Variants in DACH1 observed in about 807,000 individuals in gnomAD.
DACH1 encodes dachshund family transcription factor 1, also known as dachshund homolog 1.
DACH1 carries 12 observed loss-of-function variants against 54.2 expected under a neutral mutation model. That is an observed-to-expected ratio of 0.22 (90% CI 0.14 to 0.36). DACH1 has a LOEUF of 0.36. Ranked by LOEUF, DACH1 falls within the 10% of genes least tolerant of loss-of-function variation. The pLI, the probability that DACH1 is intolerant of heterozygous loss-of-function variation, is 1.00. For missense variants in DACH1, 805 were observed against 929.8 expected (o/e 0.87, Z 1.75); for synonymous variants, 386 against 366.2 (o/e 1.05, Z -0.62).
At chr13:71,632,416 AT>A (rs34080454) in intron 2 of DACH1, among the ~76,000 whole-genome samples, 8,045 of 124,648 alleles carry the variant, frequency 0.065, 328 homozygotes, top group African/African-American at 0.13. Flanking sequence ...AACCCCACCC[AT>A]TTTTTTTTTT....
intron 3 of DACH1, among the ~76,000 whole-genome samples, chr13:71,594,579 G>A (rs555274474): frequency 6.6e-6 from 1 of 152,212 alleles, no homozygotes; most frequent in African/African-American, 2.4e-5. Flanking sequence ...GTAAACATGA[G>A]CTGAAGTGAT....
chr13:71,538,169 C>A (rs1298815520), intron 6 of DACH1, among the ~76,000 whole-genome samples: 2 of 151,990 alleles, frequency 1.3e-5, no homozygotes, highest in African/African-American at 2.4e-5. Context: ...GATTATTTCT[C>A]AAGGCTAGAA....
chr13:71,577,663 C>T (rs1055155233), intron 3 of DACH1, among the ~76,000 whole-genome samples: 2 of 151,858 alleles, frequency 1.3e-5, no homozygotes, highest in African/African-American at 2.4e-5. Flanking sequence ...CATAAACATA[C>T]ACAAGAAAAT....
At chr13:71,751,214 T>C (rs962818664) in intron 1 of DACH1, among the ~76,000 whole-genome samples, 1 of 152,228 alleles carries the variant, frequency 6.6e-6, no homozygotes, top group Non-Finnish European at 1.5e-5. Context: ...TTGTTTCTGC[T>C]GCGTCAGTCA....
intron 1 of DACH1, among the ~76,000 whole-genome samples, chr13:71,720,842 A>T (rs2138802256): frequency 6.6e-6 from 1 of 152,268 alleles, no homozygotes; most frequent in South Asian, 2.1e-4. Context: ...ATTTTCTTGC[A>T]GTAGTTACTT....
chr13:71,534,942 A>C, intron 6 of DACH1, among the ~76,000 whole-genome samples: 1 of 151,780 alleles, frequency 6.6e-6, no homozygotes. Flanking sequence ...ATTTTAGAAG[A>C]ATGTAATTTT....
intron 1 of DACH1, among the ~76,000 whole-genome samples, chr13:71,791,064 C>T (rs79850319): frequency 0.027 from 4,075 of 152,182 alleles, 179 homozygotes; most frequent in African/African-American, 0.091. Context: ...GACATGACAA[C>T]GATTTTTAGA....
chr13:71,705,776 A>C, intron 1 of DACH1, among the ~76,000 whole-genome samples: 1 of 152,070 alleles, frequency 6.6e-6, no homozygotes, highest in East Asian at 1.9e-4. Context: ...AGAATCAAGT[A>C]AATCAAGTCT....
At chr13:71,512,009 T>C (rs564711872) in intron 6 of DACH1, among the ~76,000 whole-genome samples, 1 of 152,114 alleles carries the variant, frequency 6.6e-6, no homozygotes, top group Non-Finnish European at 1.5e-5. Flanking sequence ...GTCCATTCTA[T>C]ACCAGAAAGT....
intron 1 of DACH1, among the ~76,000 whole-genome samples, chr13:71,837,279 T>C (rs1016212472): frequency 6.6e-6 from 1 of 152,156 alleles, no homozygotes; most frequent in Non-Finnish European, 1.5e-5. Flanking sequence ...TGAAAGCTTT[T>C]GGGTAGACCT....
chr13:71,820,099 T>A (rs1307077935), intron 1 of DACH1, among the ~76,000 whole-genome samples: 14 of 90,404 alleles, frequency 1.5e-4, no homozygotes, highest in African/African-American at 6.3e-4. Flanking sequence ...AGATCCTGCC[T>A]CTACCGAAAA....
chr13:71,553,626 ATT>A (rs1251736819), intron 6 of DACH1, among the ~76,000 whole-genome samples: 3 of 144,384 alleles, frequency 2.1e-5, no homozygotes, highest in Non-Finnish European at 4.5e-5. Context: ...TATATATAAC[ATT>A]TGTTTTTGTA....
chr13:71,519,882 A>AGTGTAT (rs1403908060), intron 6 of DACH1, among the ~76,000 whole-genome samples: 1 of 35,526 alleles, frequency 2.8e-5, no homozygotes, highest in African/African-American at 9.6e-5. Context: ...AAACCAAAGT[A>AGTGTAT]GTATATATAT....
rs569514080 is a variant in DACH1 at position 71,840,090 on chromosome 13, G to A, written c.848+25832C>T. On this transcript the variant is annotated intron_variant, in intron 1 of 10. Coordinates refer to ENST00000613252, the MANE Select transcript of DACH1 (RefSeq NM_080759.6). ...GCCTCCCAAGTAGCTGGAATTACAGGTGCGCACCACCACACCCAGCTAAGT... is the reference window on the plus strand; with the variant it reads ...GCCTCCCAAGTAGCTGGAATTACAGATGCGCACCACCACACCCAGCTAAGT... Among the ~76,000 whole-genome samples the A allele has an allele frequency of 1.8e-4, 28 of 152,150 alleles. No individual in the cohort carries two copies. The South Asian group carries it at 5.8e-3, about 32-fold the overall frequency.
intron 10 of DACH1, among the ~76,000 whole-genome samples, chr13:71,467,053 T>A: frequency 6.6e-6 from 1 of 151,140 alleles, no homozygotes. Flanking sequence ...TTTTACATAG[T>A]AAATAATTAT....
chr13:71,791,659 T>C (rs1409318933), intron 1 of DACH1, among the ~76,000 whole-genome samples: 4 of 152,140 alleles, frequency 2.6e-5, no homozygotes, highest in African/African-American at 7.2e-5. Context: ...GCTGGGATTA[T>C]AGGCATGAGC....
intron 3 of DACH1, among the ~76,000 whole-genome samples, chr13:71,575,632 C>T (rs1222474525): frequency 2.0e-5 from 3 of 152,042 alleles, no homozygotes; most frequent in Admixed American, 1.3e-4. Context: ...AGATAAAACA[C>T]TACCCATTTT....
chr13:71,692,010 TACAC>T (rs34800453), intron 1 of DACH1, among the ~76,000 whole-genome samples: 8,272 of 140,036 alleles, frequency 0.059, 405 homozygotes, highest in African/African-American at 0.14. Flanking sequence ...AGCCCCCCAT[TACAC>T]ACACACACAC....
intron 3 of DACH1, among the ~76,000 whole-genome samples, chr13:71,608,884 G>C (rs1316372847): frequency 6.6e-6 from 1 of 152,028 alleles, no homozygotes; most frequent in East Asian, 1.9e-4. Flanking sequence ...CATGGGCATA[G>C]TTTGAGGATA....
Sources: gnomAD v4.1 joint callset for allele counts (sites outside exome capture counted in the v4.1 genomes callset) on GRCh38, gnomAD v4.1.1 for gene constraint, MANE v1.5 for transcripts, NCBI Gene and HGNC (gene_info 2026-07-23, HGNC 2026-07-21) for gene names.